The following C10orf90 variants were observed in gnomAD, a reference collection of about 807,000 sequenced individuals.
The protein encoded by C10orf90 is chromosome 10 open reading frame 90.
C10orf90 carries 56 observed loss-of-function variants against 62.5 expected under a neutral mutation model. The ratio of observed to expected loss-of-function variants is 0.90; its 90% CI spans 0.72 to 1.12. The LOEUF is 1.12. Ranked by LOEUF, C10orf90 falls within the 50% of genes most tolerant of loss-of-function variation. The probability of loss-of-function intolerance (pLI) is 0.00; values close to 1 mark genes in which losing one functional copy is unlikely to be tolerated. For synonymous variants in C10orf90, 386 were observed against 340.4 expected (o/e 1.13, Z -1.47); for missense variants, 970 against 880.4 (o/e 1.10, Z -1.29).
chr10:126,584,439 TCC>T (rs1844818183), intron 2 of C10orf90, among the ~76,000 whole-genome samples: 1 of 152,124 alleles, frequency 6.6e-6, no homozygotes, highest in African/African-American at 2.4e-5. Flanking sequence ...TGTCCATCCA[TCC>T]CTCTGTCTAC....
At chr10:126,577,102 T>C (rs1379657686) in intron 2 of C10orf90, among the ~76,000 whole-genome samples, 1 of 151,862 alleles carries the variant, frequency 6.6e-6, no homozygotes. Flanking sequence ...TGACTATAGT[T>C]AACAGTAATA....
chr10:126,642,853 C>T (rs944952191), intron 2 of C10orf90, among the ~76,000 whole-genome samples: 4 of 152,162 alleles, frequency 2.6e-5, no homozygotes, highest in African/African-American at 9.7e-5. Flanking sequence ...ACTCAGGATC[C>T]TCCCACCAGC....
chr10:126,429,741 T>TA, intron 8 of C10orf90, 46 bp downstream of exon 8: 1 of 1,562,828 alleles, frequency 6.4e-7, no homozygotes, highest in Non-Finnish European at 8.8e-7. Flanking sequence ...CAAACCACCC[T>TA]ACTCCCCCCA....
chr10:126,586,854 G>A (rs1226414263), intron 2 of C10orf90, among the ~76,000 whole-genome samples: 2 of 152,042 alleles, frequency 1.3e-5, no homozygotes, highest in Admixed American at 6.5e-5. Context: ...ACTGCTCCCC[G>A]CACCCCCCAG....
At chr10:126,470,091 G>T (rs1406604850) in intron 4 of C10orf90, 3 of 450,406 alleles carry the variant, frequency 6.7e-6, no homozygotes, top group Non-Finnish European at 1.3e-5. Context: ...CATACTGCAG[G>T]GGGGAAGGCA....
intron 2 of C10orf90, among the ~76,000 whole-genome samples, chr10:126,604,783 C>G (rs1249686644): frequency 1.3e-5 from 2 of 152,208 alleles, no homozygotes; most frequent in Admixed American, 6.5e-5. Context: ...TCTTTAGCTA[C>G]ATGGATCCAT....
chr10:126,607,924 T>C (rs1845348555), intron 2 of C10orf90, among the ~76,000 whole-genome samples: 1 of 152,204 alleles, frequency 6.6e-6, no homozygotes, highest in Non-Finnish European at 1.5e-5. Flanking sequence ...TTACATGAAG[T>C]ACTTAGAATA....
At chr10:126,436,359 G>A (rs1273267829) in intron 7 of C10orf90, among the ~76,000 whole-genome samples, 1 of 152,154 alleles carries the variant, frequency 6.6e-6, no homozygotes. Context: ...GCTATACCCA[G>A]TCTCTAGGAT....
At chr10:126,612,097 G>A (rs1225035263) in intron 2 of C10orf90, among the ~76,000 whole-genome samples, 1 of 152,198 alleles carries the variant, frequency 6.6e-6, no homozygotes, top group African/African-American at 2.4e-5. Flanking sequence ...GCGGCGGACA[G>A]ATCACTTGAA....
chr10:126,432,588 A>G (rs1225442849), intron 7 of C10orf90, among the ~76,000 whole-genome samples: 1 of 152,222 alleles, frequency 6.6e-6, no homozygotes, highest in Non-Finnish European at 1.5e-5. Context: ...TATTTAAACC[A>G]AGACCCGAAT....
intron 7 of C10orf90, among the ~76,000 whole-genome samples, chr10:126,442,633 GTATATATA>G (rs56368633): frequency 2.3e-3 from 201 of 88,444 alleles, no homozygotes; most frequent in African/African-American, 8.1e-3. Context: ...TTGTGTGTGT[GTATATATA>G]TATATATATA....
chr10:126,528,654 G>A (rs1394239909), intron 2 of C10orf90, among the ~76,000 whole-genome samples: 1 of 152,200 alleles, frequency 6.6e-6, no homozygotes, highest in Non-Finnish European at 1.5e-5. Context: ...AGCCAAGCGA[G>A]TCACTTACCT....
At chr10:126,477,476 A>G (rs1375485235) in intron 4 of C10orf90, among the ~76,000 whole-genome samples, 1 of 152,106 alleles carries the variant, frequency 6.6e-6, no homozygotes, top group Non-Finnish European at 1.5e-5. Context: ...TTGCCTTGAC[A>G]CTTTTCAAAG....
At chr10:126,608,301 G>T (rs1845357993) in intron 2 of C10orf90, among the ~76,000 whole-genome samples, 1 of 151,986 alleles carries the variant, frequency 6.6e-6, no homozygotes, top group Admixed American at 6.6e-5. Context: ...TTGTAGAGAA[G>T]AGGTCTCACT....
chr10:126,468,918 T>C lies in C10orf90; in HGVS notation c.1535-3932A>G, dbSNP rs949931975. ...AAAATGTCACCACAAGCCAATCTGA[T>C]AGAAAAAAGATACTTTATTATCTCT... On this transcript the variant is annotated intron_variant, in intron 4 of 9. Coordinates refer to ENST00000488181, the MANE Select transcript of C10orf90 (RefSeq NM_001350921.2). Among the ~76,000 whole-genome samples, 5 of 152,272 alleles carry C rather than the reference T, an allele frequency of 3.3e-5. No individual in the cohort carries two copies. In the East Asian group the frequency reaches 7.7e-4, roughly 24 times the overall value.
chr10:126,524,737 G>T (rs1483947613), intron 2 of C10orf90: 1 of 985,546 alleles, frequency 1.0e-6, no homozygotes, highest in Non-Finnish European at 1.2e-6. Context: ...GCACGCACCT[G>T]TATGGCCCCT....
chr10:126,612,083 G>GTCC (rs1161926727), intron 2 of C10orf90, among the ~76,000 whole-genome samples: 2 of 152,222 alleles, frequency 1.3e-5, no homozygotes, highest in Non-Finnish European at 2.9e-5. Context: ...CACTTTGGGA[G>GTCC]GCTGCGGCGG....
At chr10:126,465,083 G>C (rs995302351) in intron 4 of C10orf90, 97 bp from the exon 5 acceptor site, 128 of 1,266,686 alleles carry the variant, frequency 1.0e-4, no homozygotes, top group East Asian at 3.6e-4. Context: ...GGACAGACTT[G>C]GGGGGGAGTA....
intron 2 of C10orf90, among the ~76,000 whole-genome samples, chr10:126,606,492 C>T (rs115230689): frequency 0.026 from 3,974 of 152,188 alleles, 66 homozygotes; most frequent in Middle Eastern, 0.041. Flanking sequence ...TGCCATTTCT[C>T]GAAGTTATCC....
Sources: gnomAD v4.1 joint callset for allele counts (sites outside exome capture counted in the v4.1 genomes callset) on GRCh38, gnomAD v4.1.1 for gene constraint, MANE v1.5 for transcripts, NCBI Gene and HGNC (gene_info 2026-07-23, HGNC 2026-07-21) for gene names.